IFT46: variants seen among roughly 807,000 people sequenced by gnomAD.
The protein encoded by IFT46 is intraflagellar transport 46.
IFT46 carries 19 observed loss-of-function variants against 39.6 expected under a neutral mutation model. The ratio of observed to expected loss-of-function variants is 0.48; its 90% confidence interval spans 0.33 to 0.70. The LOEUF is 0.70. Ranked by LOEUF, IFT46 falls within the 30% of genes least tolerant of loss-of-function variation. IFT46 has a pLI of 0.01. For synonymous variants in IFT46, 117 were observed against 134.8 expected, an observed-to-expected ratio of 0.87 and a Z score of 0.91; for missense variants, 334 against 364.8, an observed-to-expected ratio of 0.92 and a Z score of 0.69.
chr11:118,562,164 C>T (rs1938079632), intron 2 of IFT46, among the ~76,000 whole-genome samples: 1 of 152,124 alleles, frequency 6.6e-6, no homozygotes. Context: ...ATAATCCCAG[C>T]TACTCAGGAG....
intron 4 of IFT46, among the ~76,000 whole-genome samples, chr11:118,556,705 A>C (rs572664501): frequency 6.6e-6 from 1 of 152,304 alleles, no homozygotes; most frequent in Admixed American, 6.5e-5. Context: ...GTAAAGTGAT[A>C]CTATAGGACT....
In IFT46 at chr11:118,555,965, G is replaced by A. The variant is rs181857264; in HGVS notation, c.186-643C>T. ...TAAATATCTGACATGAAAATAGTTTGCACCAGAAAAAAAAAATTATAGAAG... is the reference window on the plus strand; with the variant it reads ...TAAATATCTGACATGAAAATAGTTTACACCAGAAAAAAAAAATTATAGAAG... On this transcript the variant is annotated intron_variant, in intron 4 of 11. Transcript: ENST00000264021. Among the ~76,000 whole-genome samples the A allele has an allele frequency of 8.9e-4, 135 of 151,378 alleles. 4 individuals are homozygous for A. The East Asian group carries it at 0.011, about 13-fold the overall frequency.
At chr11:118,553,557 G>A (rs1371525085) in intron 7 of IFT46, among the ~76,000 whole-genome samples, 1 of 152,166 alleles carries the variant, frequency 6.6e-6, no homozygotes, top group African/African-American at 2.4e-5. Context: ...ATTGCTGGTG[G>A]GAATGTAAAA....
In IFT46 at chr11:118,554,517, G is replaced by T; in HGVS notation, c.425C>A (p.Ser142Ter). 1 of 1,613,710 alleles carries T rather than the reference G, an allele frequency of 6.2e-7. No homozygotes were observed. The highest frequency in any genetic ancestry group is 1.1e-5 in the South Asian group (1 of 90,992). The change falls in exon 7 of 12, where the codon TCA (serine) becomes TAA (stop). Residue 142 changes from serine to a stop codon, truncating the protein, a stop_gained. Transcript: ENST00000264021. LOFTEE classifies it high-confidence loss of function. ...LVLDEPSTKQSDPTVLSLWLT... is the reference protein window; with the variant it reads ...LVLDEPSTKQ ...CCAGAGTGAGAGCACCGTAGGGTCTGACTGCTTTGTAGAAGGTTCATCCAA... is the reference window on the plus strand; with the variant it reads ...CCAGAGTGAGAGCACCGTAGGGTCTTACTGCTTTGTAGAAGGTTCATCCAA...
chr11:118,552,371 T>C (rs1555068687), intron 7 of IFT46, 36 bp from the exon 8 acceptor site: 3 of 1,610,740 alleles, frequency 1.9e-6, no homozygotes, highest in Non-Finnish European at 2.5e-6. Flanking sequence ...CTGATGGCAC[T>C]GAAGTAGCTC....
chr11:118,563,260 T>C (rs1197202763), intron 2 of IFT46, among the ~76,000 whole-genome samples: 6 of 151,948 alleles, frequency 3.9e-5, no homozygotes, highest in African/African-American at 1.5e-4. Flanking sequence ...AGTAGAATAG[T>C]GGTTACCAGG....
chr11:118,574,062 C>T (rs549213630), upstream of IFT46, among the ~76,000 whole-genome samples: 1 of 152,116 alleles, frequency 6.6e-6, no homozygotes, highest in Non-Finnish European at 1.5e-5. Context: ...ATTTTTAATT[C>T]ATTGATAACT....
intron 2 of IFT46, chr11:118,560,444 A>G (rs3132829): frequency 0.22 from 14,308 of 64,228 alleles, 1,108 homozygotes; most frequent in Admixed American, 0.38. Flanking sequence ...TGGGAGGGGA[A>G]GGGAGGGGAG....
chr11:118,565,639 G>C (rs563853462), intron 1 of IFT46, 151 bp downstream of exon 1: 2 of 152,652 alleles, frequency 1.3e-5, no homozygotes, highest in African/African-American at 2.4e-5. Flanking sequence ...TTTCTTGGGG[G>C]AATAAAGGAA....
chr11:118,563,532 C>T (rs976843421), intron 2 of IFT46, among the ~76,000 whole-genome samples: 1 of 152,158 alleles, frequency 6.6e-6, no homozygotes, highest in Non-Finnish European at 1.5e-5. Flanking sequence ...AGTGATTCTG[C>T]GACAATGTCT....
intron 9 of IFT46, 122 bp downstream of exon 9, chr11:118,551,664 C>G (rs1299800918): frequency 1.5e-6 from 1 of 687,286 alleles, no homozygotes; most frequent in East Asian, 2.9e-5. Context: ...GAGCAAGACC[C>G]TGTCTCAAAA....
At chr11:118,545,660 G>A in intron 10 of IFT46, 133 bp downstream of exon 10, 2 of 1,157,280 alleles carry the variant, frequency 1.7e-6, no homozygotes, top group South Asian at 1.3e-5. Flanking sequence ...TTTGAGTGCT[G>A]CCAAAGAGCA....
upstream of IFT46, among the ~76,000 whole-genome samples, chr11:118,575,291 T>C (rs1159145965): frequency 6.6e-6 from 1 of 152,200 alleles, no homozygotes; most frequent in Non-Finnish European, 1.5e-5. Context: ...GTATTATTTA[T>C]GTATCTTTTT....
intron 4 of IFT46, among the ~76,000 whole-genome samples, chr11:118,556,020 A>T (rs979390981): frequency 9.2e-5 from 14 of 152,054 alleles, no homozygotes; most frequent in African/African-American, 3.1e-4. Flanking sequence ...ATTATTTTTT[A>T]AATTTAATTA....
chr11:118,558,065 A>G (rs1937901332), intron 3 of IFT46, among the ~76,000 whole-genome samples: 1 of 152,240 alleles, frequency 6.6e-6, no homozygotes. Flanking sequence ...AGGACACCAA[A>G]AACTGCTTTT....
upstream of IFT46, among the ~76,000 whole-genome samples, chr11:118,568,742 C>G (rs1938279330): frequency 6.6e-6 from 1 of 151,318 alleles, no homozygotes; most frequent in African/African-American, 2.4e-5. Context: ...CCTCAGCTCA[C>G]TGCTATCTCT....
chr11:118,572,991 G>A (rs1938387583), upstream of IFT46: 1 of 188,322 alleles, frequency 5.3e-6, no homozygotes, highest in Non-Finnish European at 1.1e-5. Flanking sequence ...TCCCACCCCC[G>A]GTGTTTGCTA....
rs113002310 is a variant in IFT46, at chr11:118,545,840, G to A, written c.686C>T (p.Thr229Met). The change falls in exon 10 of 12, where the codon ACG becomes ATG. Residue 229 changes from threonine (T) to methionine (M), a missense_variant. Coordinates refer to ENST00000264021, the MANE Select transcript of IFT46 (RefSeq NM_001168618.2). The part of the protein sequence containing the change: ...EELLGKVSLP[T>M]AEIDCSLAEY... ...TGCCAGGCTGCAATCAATCTCTGCC[G>A]TGGGCAGGCTTACCTGGAAGGGGCA... 111 of 1,614,136 alleles carry A rather than the reference G, an allele frequency of 6.9e-5. No homozygotes were observed. The highest frequency in any genetic ancestry group is 6.5e-4 in the African/African-American group (49 of 75,036).
Position 118,556,876 on chromosome 11 carries a change from GCACCCTTGGCTTGGGTGTTCTTTCCT to G in IFT46, c.185+4_185+29del. 1.3e-6 allele frequency: 2 copies of G among 1,514,514 alleles called. No homozygotes were observed. The highest frequency in any genetic ancestry group is 4.7e-5 in the East Asian group (2 of 42,166). 93.8% of individuals were successfully genotyped at this position (1,514,514 alleles called of 1,614,324 possible). A position where few individuals can be genotyped will look rare whatever the true frequency, so the allele number is the denominator to read the frequency against. On this transcript the variant is annotated splice_donor_5th_base_variant and intron_variant, in intron 4 of 11. Coordinates refer to ENST00000264021, the MANE Select transcript of IFT46 (RefSeq NM_001168618.2). ...TGTTTTGAAGGAGGTATTCTGAAGA[GCACCCTTGGCTTGGGTGTTCTTTCCT>G]CACCCTTCCAGAGGGGCTCCATGCT... is the stretch of plus-strand genomic sequence containing the variant.
Sources: allele counts gnomAD v4.1 joint callset (sites outside exome capture counted in the v4.1 genomes callset), GRCh38; gene constraint gnomAD v4.1.1; transcripts MANE v1.5; gene names NCBI Gene and HGNC (gene_info 2026-07-23, HGNC 2026-07-21).